The following CAPSL variants were observed in gnomAD, a reference collection of about 807,000 sequenced individuals.
CAPSL encodes the protein calcyphosine like, also known as calcyphosin-like protein.
Under a neutral mutation model 21.3 loss-of-function variants are expected in CAPSL, and 17 were observed. That is an observed-to-expected ratio of 0.80 (90% CI 0.55 to 1.20). CAPSL has a LOEUF of 1.20. Ranked by LOEUF, CAPSL falls within the 50% of genes most tolerant of loss-of-function variation. The pLI is 0.00. For missense variants in CAPSL, 289 were observed against 259.3 expected (o/e 1.11, Z -0.79); for synonymous variants, 102 against 89.3 (o/e 1.14, Z -0.80).
chr5:35,928,078 G>A (rs1052760065), intron 1 of CAPSL, among the ~76,000 whole-genome samples: 18 of 152,114 alleles, frequency 1.2e-4, no homozygotes, highest in East Asian at 9.6e-4. Context: ...CTATTCTCTC[G>A]GCCTTTCAGA....
intron 1 of CAPSL, among the ~76,000 whole-genome samples, chr5:35,930,262 A>G (rs1738787046): frequency 1.3e-5 from 2 of 152,202 alleles, no homozygotes; most frequent in Non-Finnish European, 2.9e-5. Flanking sequence ...GCCACTCTCA[A>G]TAGGCAGGTT....
At position 35,912,242 on chromosome 5, in the gene CAPSL, C is replaced by T. The variant is rs566972163; in HGVS notation, c.138-1699G>A. Among the ~76,000 whole-genome samples, 4 of 152,310 alleles carry T rather than the reference C, an allele frequency of 2.6e-5. No individual in the cohort carries two copies. The East Asian group carries it at 7.7e-4, about 29-fold the overall frequency. On this transcript the variant is annotated intron_variant, in intron 2 of 4. Transcript: ENST00000651391. ...TCAAACTGGGTGGAGCTCACTGCAG[C>T]TCAAGGAGGCCTGCCTGCCTCTGTA...
At chr5:35,912,000 T>G (rs1055095974) in intron 2 of CAPSL, among the ~76,000 whole-genome samples, 15 of 152,110 alleles carry the variant, frequency 9.9e-5, no homozygotes, top group African/African-American at 3.6e-4. Context: ...GAAAATCGGG[T>G]CAGTCCCACC....
intron 4 of CAPSL, among the ~76,000 whole-genome samples, chr5:35,907,337 A>G (rs1184559165): frequency 6.6e-6 from 1 of 152,188 alleles, no homozygotes; most frequent in East Asian, 1.9e-4. Context: ...ATTTTTTATG[A>G]GATGGATGAG....
At chr5:35,907,165 T>C in intron 4 of CAPSL, among the ~76,000 whole-genome samples, 1 of 152,162 alleles carries the variant, frequency 6.6e-6, no homozygotes, top group East Asian at 1.9e-4. Flanking sequence ...ACAAGATATA[T>C]ATCATATATA....
intron 2 of CAPSL, among the ~76,000 whole-genome samples, chr5:35,913,207 G>A (rs926823502): frequency 6.6e-6 from 1 of 152,200 alleles, no homozygotes; most frequent in African/African-American, 2.4e-5. Context: ...ATGGGACTAT[G>A]TGAAAAGACC....
chr5:35,937,930 G>A (rs903122599), intron 1 of CAPSL, among the ~76,000 whole-genome samples: 2 of 152,006 alleles, frequency 1.3e-5, no homozygotes, highest in African/African-American at 4.8e-5. Flanking sequence ...TGGGTCATTG[G>A]TGTTGTCCTT....
intron 1 of CAPSL, among the ~76,000 whole-genome samples, chr5:35,937,294 G>A (rs1248913977): frequency 2.0e-5 from 3 of 152,176 alleles, no homozygotes; most frequent in Non-Finnish European, 4.4e-5. Flanking sequence ...ATTGCATACA[G>A]GTAAAATGAA....
intron 1 of CAPSL, among the ~76,000 whole-genome samples, chr5:35,935,011 A>C (rs1458370335): frequency 6.6e-6 from 1 of 152,164 alleles, no homozygotes; most frequent in Non-Finnish European, 1.5e-5. Flanking sequence ...CACAGATTTT[A>C]AGATGCACCC....
In CAPSL at chr5:35,921,012, C is replaced by A; in HGVS notation, c.109G>T (p.Gly37Cys). 9 of 1,614,112 alleles carry A rather than the reference C, an allele frequency of 5.6e-6. No individual in the cohort carries two copies. The highest frequency in any genetic ancestry group is 1.3e-5 in the African/African-American group (1 of 75,046). ...CCAAGTCCTTTGATCCCAGCAGAGC[C>A]CCTGGCCAGGCACTGCAGTCGGAGT... ...ERLRLQCLARGSAGIKGLGRV... is the reference protein window; with the variant it reads ...ERLRLQCLARCSAGIKGLGRV... Residue 37 changes from glycine to cysteine, a missense_variant, in exon 2 of 5, where the codon GGC (glycine) becomes TGC (cysteine). Physicochemically the swap from Gly to Cys is radical, Grantham distance 159 (BLOSUM62 -3). Coordinates refer to ENST00000651391, the MANE Select transcript of CAPSL (RefSeq NM_001042625.2).
chr5:35,905,860 G>A (rs1428313481), intron 4 of CAPSL, among the ~76,000 whole-genome samples: 8 of 152,194 alleles, frequency 5.3e-5, no homozygotes, highest in Non-Finnish European at 1.0e-4. Context: ...AGGCCCACAG[G>A]CTGTACCCCA....
chr5:35,907,571 C>T (rs368291671), intron 4 of CAPSL, among the ~76,000 whole-genome samples: 8 of 152,280 alleles, frequency 5.3e-5, no homozygotes, highest in African/African-American at 1.9e-4. Flanking sequence ...CAAATGGCTT[C>T]CGGCTGCTAT....
At chr5:35,913,827 C>A (rs1163334200) in intron 2 of CAPSL, among the ~76,000 whole-genome samples, 1 of 152,172 alleles carries the variant, frequency 6.6e-6, no homozygotes, top group Non-Finnish European at 1.5e-5. Context: ...CAGCTAACAT[C>A]ATAATGACAG....
intron 2 of CAPSL, among the ~76,000 whole-genome samples, chr5:35,911,927 G>T (rs551196343): frequency 2.0e-5 from 3 of 152,314 alleles, no homozygotes; most frequent in Admixed American, 2.0e-4. Flanking sequence ...CCTCACCCAG[G>T]AAGCGCAAGG....
intron 1 of CAPSL, among the ~76,000 whole-genome samples, chr5:35,932,803 C>T (rs1047657664): frequency 2.0e-5 from 3 of 152,184 alleles, no homozygotes; most frequent in Non-Finnish European, 4.4e-5. Flanking sequence ...TAAGGGCAGA[C>T]GTCAACACAT....
At chr5:35,934,843 C>T (rs1293998472) in intron 1 of CAPSL, among the ~76,000 whole-genome samples, 5 of 152,188 alleles carry the variant, frequency 3.3e-5, no homozygotes, top group Admixed American at 1.3e-4. Context: ...TTTTCTGTTA[C>T]TACCTTTGAA....
At chr5:35,934,750 T>C (rs1194307481) in intron 1 of CAPSL, among the ~76,000 whole-genome samples, 1 of 152,254 alleles carries the variant, frequency 6.6e-6, no homozygotes, top group Non-Finnish European at 1.5e-5. Flanking sequence ...CTTCTGACTG[T>C]GGCATTGCTG....
At chr5:35,926,394 C>G (rs775636945) in intron 1 of CAPSL, among the ~76,000 whole-genome samples, 29 of 152,140 alleles carry the variant, frequency 1.9e-4, no homozygotes, top group Admixed American at 1.9e-3. Context: ...AGTGTAGCTA[C>G]GGTAGCAATG....
chr5:35,919,552 G>A (rs1432494433), intron 2 of CAPSL, among the ~76,000 whole-genome samples: 2 of 152,198 alleles, frequency 1.3e-5, no homozygotes, highest in East Asian at 3.9e-4. Flanking sequence ...CAGGGGGGAT[G>A]ATGGCAGAGC....
Sources: allele counts gnomAD v4.1 joint callset (sites outside exome capture counted in the v4.1 genomes callset), GRCh38; gene constraint gnomAD v4.1.1; transcripts MANE v1.5; gene names NCBI Gene and HGNC (gene_info 2026-07-23, HGNC 2026-07-21).